KLHL24: variants seen among roughly 807,000 people sequenced by gnomAD.
KLHL24 encodes kelch-like protein 24.
KLHL24 carries 29 observed loss-of-function variants against 53.4 expected under a neutral mutation model. The observed-to-expected ratio is 0.54, with a 90% CI of 0.40 to 0.74. KLHL24 has a LOEUF of 0.74. Among genes scored for constraint, KLHL24 ranks in the 30% least tolerant of loss-of-function variants. KLHL24 has a pLI of 0.00. For synonymous variants in KLHL24, 222 were observed against 253.7 expected (o/e 0.88, Z 1.19); for missense variants, 504 against 744.0 (o/e 0.68, Z 3.75).
At chr3:183,638,610 C>T (rs1248837136) in intron 1 of KLHL24, among the ~76,000 whole-genome samples, 3 of 152,162 alleles carry the variant, frequency 2.0e-5, no homozygotes, top group African/African-American at 4.8e-5. Flanking sequence ...TATATAGCCA[C>T]TTGACAACTG....
rs765172628 is a variant in KLHL24, at chr3:183,657,067, G to A, written c.920+5791G>A. ...CTTTTAAACTCATGATTGCTTGGTA[G>A]TGTGGTTCTGATGCTGCTGCTTTTG... On this transcript the variant is annotated intron_variant, in intron 3 of 7. Coordinates refer to ENST00000242810, the MANE Select transcript of KLHL24 (RefSeq NM_017644.3). 6.0e-5 allele frequency among the ~76,000 whole-genome samples: 9 copies of A among 151,196 alleles called. No homozygotes were observed. In the South Asian group the frequency reaches 6.2e-4, roughly 10 times the overall value.
chr3:183,649,917 A>T (rs1717889641), intron 2 of KLHL24, among the ~76,000 whole-genome samples: 1 of 151,972 alleles, frequency 6.6e-6, no homozygotes, highest in South Asian at 2.1e-4. Context: ...GATTCTTAAA[A>T]AGAAAGATAA....
chr3:183,671,535 A>G (rs1331338893), intron 6 of KLHL24, among the ~76,000 whole-genome samples: 1 of 152,258 alleles, frequency 6.6e-6, no homozygotes, highest in African/African-American at 2.4e-5. Context: ...TATACAAAAC[A>G]CAGTTGAGAA....
At chr3:183,657,419 T>G (rs552693285) in intron 3 of KLHL24, among the ~76,000 whole-genome samples, 15 of 152,216 alleles carry the variant, frequency 9.9e-5, no homozygotes, top group Non-Finnish European at 1.3e-4. Context: ...TGCTATCTCT[T>G]ACCTGATAAT....
At chr3:183,645,315 A>G (rs1157596621) in intron 2 of KLHL24, among the ~76,000 whole-genome samples, 1 of 152,192 alleles carries the variant, frequency 6.6e-6, no homozygotes, top group African/African-American at 2.4e-5. Flanking sequence ...GATATGGGGG[A>G]TACATTTCTG....
rs1034154463 is a variant in KLHL24 at position 183,681,302 on chromosome 3, G to C, written c.*2016G>C. 1 of 152,064 alleles carries C rather than the reference G, an allele frequency of 6.6e-6. No homozygotes were observed. Among genetic ancestry groups the C allele is most frequent in the Non-Finnish European group, 1.5e-5 (1 of 67,820 alleles). 9.4% of individuals were successfully genotyped at this position (152,064 alleles called of 1,614,324 possible). Reference sequence around the variant, plus strand: ...TGAAAAAGTATTTTGTAAATGCTGAGGATTCTACAAATGATAGTTGTTATT... The same window carrying C: ...TGAAAAAGTATTTTGTAAATGCTGACGATTCTACAAATGATAGTTGTTATT... On this transcript the variant is annotated 3_prime_UTR_variant, in exon 8 of 8. Coordinates refer to ENST00000242810, the MANE Select transcript of KLHL24 (RefSeq NM_017644.3).
At chr3:183,637,590 C>A (rs576884894) in intron 1 of KLHL24, among the ~76,000 whole-genome samples, 1 of 152,072 alleles carries the variant, frequency 6.6e-6, no homozygotes, top group Non-Finnish European at 1.5e-5. Context: ...AGGGTATTTG[C>A]GTTTTGTCAG....
chr3:183,677,335 G>A (rs2108900355), intron 7 of KLHL24, among the ~76,000 whole-genome samples: 1 of 152,256 alleles, frequency 6.6e-6, no homozygotes, highest in Non-Finnish European at 1.5e-5. Flanking sequence ...TTTATAGAAA[G>A]CGCTTATTGT....
intron 5 of KLHL24, 148 bp downstream of exon 5, chr3:183,665,187 A>G: frequency 1.7e-6 from 1 of 576,646 alleles, no homozygotes; most frequent in Non-Finnish European, 3.2e-6. Flanking sequence ...AACCAAAGAT[A>G]TAAACAATAT....
In KLHL24 at chr3:183,672,311, C is replaced by A; in HGVS notation, c.1429C>A (p.Pro477Thr). ...TCSDKVQSYD[P>T]ETNSWLLRAA... ...ATGTTATTAGGTTCAATCTTATGAT[C>A]CAGAAACCAATTCTTGGCTACTTCG... The change falls in exon 7 of 8, where the codon CCA (proline) becomes ACA (threonine). Residue 477 changes from proline (P) to threonine (T), a missense_variant. Pro to Thr is a conservative substitution (Grantham distance 38). Transcript: ENST00000242810. 1 of 1,588,750 alleles carries A rather than the reference C, an allele frequency of 6.3e-7. No individual in the cohort carries two copies. Among genetic ancestry groups the A allele is most frequent in the Non-Finnish European group, 8.6e-7 (1 of 1,166,414 alleles).
At chr3:183,636,816 G>C (rs1715322059) in intron 1 of KLHL24, 1 of 151,906 alleles carries the variant, frequency 6.6e-6, no homozygotes, top group Non-Finnish European at 1.5e-5. Flanking sequence ...GCCGGGTGGC[G>C]CGGGTGCGGG....
chr3:183,666,963 T>G (rs1720657103), intron 5 of KLHL24, among the ~76,000 whole-genome samples: 1 of 152,070 alleles, frequency 6.6e-6, no homozygotes. Flanking sequence ...TAGCACCCCT[T>G]TCTAAGAAGA....
rs10692613 is a variant in KLHL24, at chr3:183,665,885, C to CTTTTTTT, written c.1224+854_1224+860dup. On this transcript the variant is annotated intron_variant, in intron 5 of 7. Coordinates refer to ENST00000242810, the MANE Select transcript of KLHL24 (RefSeq NM_017644.3). ...TGTCTGTAGGAACCTGAGAATCAAA[C>CTTTTTTT]TTTTTTTTTTTTTTGAGACAAGGTC... 5.5e-4 allele frequency among the ~76,000 whole-genome samples: 78 copies of CTTTTTTT among 142,978 alleles called. 1 individual carries two copies. In the East Asian group the frequency reaches 6.3e-3, roughly 12 times the overall value. 93.8% of individuals were successfully genotyped at this position (142,978 alleles called of 152,430 possible).
At chr3:183,661,678 G>A (rs1197356077) in intron 3 of KLHL24, among the ~76,000 whole-genome samples, 1 of 152,040 alleles carries the variant, frequency 6.6e-6, no homozygotes, top group Non-Finnish European at 1.5e-5. Flanking sequence ...CTGTTCCAAA[G>A]TACAAAAACA....
At chr3:183,637,573 A>T (rs1445668922) in intron 1 of KLHL24, among the ~76,000 whole-genome samples, 1 of 152,116 alleles carries the variant, frequency 6.6e-6, no homozygotes, top group Non-Finnish European at 1.5e-5. Flanking sequence ...TAATCGCTTG[A>T]GTTAATAGGG....
At chr3:183,668,150 C>T (rs758020278) in intron 5 of KLHL24, among the ~76,000 whole-genome samples, 3 of 151,444 alleles carry the variant, frequency 2.0e-5, no homozygotes, top group Admixed American at 1.3e-4. Context: ...TTTTCTAAAA[C>T]CATTTGGTTT....
At chr3:183,639,758 C>G (rs976656981) in intron 1 of KLHL24, among the ~76,000 whole-genome samples, 1 of 151,962 alleles carries the variant, frequency 6.6e-6, no homozygotes, top group African/African-American at 2.4e-5. Context: ...GTAATCCCAG[C>G]ACTTTGGGAG....
In KLHL24 at chr3:183,679,251, A is replaced by G; in HGVS notation, c.1768A>G (p.Ile590Val). The G allele has an allele frequency of 6.2e-7, 1 of 1,614,084 alleles. No individual in the cohort carries two copies. Among genetic ancestry groups the G allele is most frequent in the East Asian group, 2.2e-5 (1 of 44,880 alleles). The change falls in exon 8 of 8, where the codon ATT (isoleucine) becomes GTT (valine). Residue 590 changes from isoleucine to valine, a missense_variant. Physicochemically the swap from Ile to Val is conservative, Grantham distance 29. Transcript: ENST00000242810. ...AGTGTCCTATCATGGCTGTGTGACT[A>G]TTCATAGATACAATGAGAAATGCTT... ...RPVSYHGCVT[I>V]HRYNEKCFKL is the part of the protein sequence containing the mutation.
intron 1 of KLHL24, among the ~76,000 whole-genome samples, chr3:183,636,956 A>G (rs1324199844): frequency 3.9e-5 from 6 of 152,134 alleles, no homozygotes. Context: ...CCCTCCGAGG[A>G]CCGGAAAATT....
Sources: allele counts gnomAD v4.1 joint callset (sites outside exome capture counted in the v4.1 genomes callset), GRCh38; gene constraint gnomAD v4.1.1; transcripts MANE v1.5; gene names NCBI Gene and HGNC (gene_info 2026-07-23, HGNC 2026-07-21).